NRDE2: variants seen among roughly 807,000 people sequenced by gnomAD.
NRDE2 encodes nuclear exosome regulator NRDE2.
Under a neutral mutation model 124.2 loss-of-function variants are expected in NRDE2, and 76 were observed. The observed-to-expected ratio is 0.61, with a 90% CI of 0.51 to 0.74. NRDE2 has a LOEUF of 0.74. Ranked by LOEUF, NRDE2 falls within the 30% of genes least tolerant of loss-of-function variation. The pLI, the probability that NRDE2 is intolerant of heterozygous loss-of-function variation, is 0.00. For missense variants in NRDE2, 1,314 were observed against 1,417.3 expected (o/e 0.93, Z 1.17); for synonymous variants, 489 against 528.1 (o/e 0.93, Z 1.01).
intron 9 of NRDE2, among the ~76,000 whole-genome samples, chr14:90,291,957 G>A (rs149956087): frequency 6.6e-6 from 1 of 152,384 alleles, no homozygotes; most frequent in East Asian, 1.9e-4. Flanking sequence ...AGGGCGCCTC[G>A]TTTGTAGAAA....
In NRDE2 at chr14:90,269,676, CA is replaced by C. The variant is rs1306811845; in HGVS notation, c.*8659del. ...CTGCAGTGAAACTTAGGATAATTTA[CA>C]AAAAAATAGGTCCTCTTGAGATGAG... On this transcript the variant is annotated 3_prime_UTR_variant, in exon 14 of 14. Transcript: ENST00000354366. 7.5e-6 allele frequency: 8 copies of C among 1,063,062 alleles called. No individual in the cohort carries two copies. Among genetic ancestry groups the C allele is most frequent in the Non-Finnish European group, 6.8e-6 (5 of 740,372 alleles). 65.9% of individuals were successfully genotyped at this position (1,063,062 alleles called of 1,614,324 possible).
In NRDE2 at chr14:90,268,685, G is replaced by A. The variant is rs567978208; in HGVS notation, c.*9651C>T. On this transcript the variant is annotated 3_prime_UTR_variant, in exon 14 of 14. Transcript: ENST00000354366. ...ATCTGGACTCTAGGGACACAGTTGT[G>A]AGCACAAGTCTCTGCCCTGGAGGAG... The A allele has an allele frequency of 5.8e-6, 2 of 343,018 alleles. No homozygotes were observed. Among genetic ancestry groups the A allele is most frequent in the South Asian group, 1.4e-4 (2 of 14,714 alleles). The allele number at this position is 343,018 out of a possible 1,614,324, so 21.2% of individuals were successfully genotyped here.
At chr14:90,309,843 T>A (rs1884763210) in intron 4 of NRDE2, among the ~76,000 whole-genome samples, 1 of 152,164 alleles carries the variant, frequency 6.6e-6, no homozygotes, top group African/African-American at 2.4e-5. Context: ...TTGTGTAAAC[T>A]TTACCAAATG....
intron 4 of NRDE2, among the ~76,000 whole-genome samples, chr14:90,310,709 G>A (rs535936279): frequency 2.0e-5 from 3 of 152,000 alleles, no homozygotes; most frequent in African/African-American, 7.2e-5. Flanking sequence ...CAGTAGAGAT[G>A]GGGTTTCACC....
chr14:90,288,596 A>C lies in NRDE2; in HGVS notation c.2779T>G (p.Tyr927Asp). 1 of 1,614,196 alleles carries C rather than the reference A, an allele frequency of 6.2e-7. No individual in the cohort carries two copies. Among genetic ancestry groups the C allele is most frequent in the Non-Finnish European group, 8.5e-7 (1 of 1,180,038 alleles). ...TTCAGTTTTGCAAACACCTGTTCGT[A>C]TATCTGCACAGCAGCATCAATCCCT... ...TIGIDAAVQI[Y>D]EQVFAKLNSS... Residue 927 changes from tyrosine to aspartate, a missense_variant, in exon 11 of 14, where the codon TAC becomes GAC. Physicochemically the swap from Tyr to Asp is radical, Grantham distance 160 (BLOSUM62 -3). Transcript: ENST00000354366.
chr14:90,318,822 G>A (rs973613338), intron 1 of NRDE2, among the ~76,000 whole-genome samples: 1 of 151,874 alleles, frequency 6.6e-6, no homozygotes, highest in African/African-American at 2.4e-5. Flanking sequence ...CAAAACAAAA[G>A]CAAATCAAAT....
In NRDE2 at chr14:90,278,775, T is replaced by C. The variant is rs556159697; in HGVS notation, c.3369+287A>G. ...GGGCTCTCACAGCCAGGCTGGGACATGATCCCAACTCTTTCAGCATCTGGG... is the reference window on the plus strand; with the variant it reads ...GGGCTCTCACAGCCAGGCTGGGACACGATCCCAACTCTTTCAGCATCTGGG... On this transcript the variant is annotated intron_variant, in intron 13 of 13. Transcript: ENST00000354366. 262 of 536,270 alleles carry C rather than the reference T, an allele frequency of 4.9e-4. 2 individuals are homozygous for C. Among genetic ancestry groups the C allele is most frequent in the Non-Finnish European group, 5.7e-5 (17 of 299,092 alleles). 33.2% of individuals were successfully genotyped at this position (536,270 alleles called of 1,614,324 possible).
chr14:90,290,470 G>C lies in NRDE2; in HGVS notation c.1980C>G (p.Ala660=), dbSNP rs369355131. The change falls in exon 10 of 14, where the codon GCC becomes GCG. Residue 660 remains alanine (A), a synonymous_variant. Coordinates refer to ENST00000354366, the MANE Select transcript of NRDE2 (RefSeq NM_017970.4). The part of the protein sequence containing the change: ...FTPPASCLYL[A]MDENSIFDNG... ...TATCAAAGATGCTGTTCTCATCCAT[G>C]GCCAGATAAAGACAGGAGGCTGGAG... The C allele has an allele frequency of 1.5e-5, 25 of 1,613,914 alleles. No homozygotes were observed. The African/African-American group carries it at 2.0e-4, about 13-fold the overall frequency.
At chr14:90,322,534 A>G (rs1427259910) in intron 1 of NRDE2, among the ~76,000 whole-genome samples, 1 of 151,722 alleles carries the variant, frequency 6.6e-6, no homozygotes, top group Non-Finnish European at 1.5e-5. Context: ...AGAAATTAGA[A>G]ATCTTCAAAA....
At position 90,273,733 on chromosome 14, in the gene NRDE2, C is replaced by T. The variant is rs1033489415; in HGVS notation, c.*4603G>A. The T allele has an allele frequency of 2.6e-5, 4 of 154,524 alleles. No homozygotes were observed. Among genetic ancestry groups the T allele is most frequent in the African/African-American group, 9.6e-5 (4 of 41,510 alleles). 9.6% of individuals were successfully genotyped at this position (154,524 alleles called of 1,614,324 possible). Reference sequence around the variant, plus strand: ...GATTATTGTTGGCAGAATTTAATTTCTTGGAGTTGTGGGCCAGCTGAGGTC... The same window carrying T: ...GATTATTGTTGGCAGAATTTAATTTTTTGGAGTTGTGGGCCAGCTGAGGTC... On this transcript the variant is annotated 3_prime_UTR_variant, in exon 14 of 14. Coordinates refer to ENST00000354366, the MANE Select transcript of NRDE2 (RefSeq NM_017970.4).
In NRDE2 at chr14:90,298,306, C is replaced by T. The variant is rs75672471; in HGVS notation, c.1620G>A (p.Ala540=). 7.6e-5 allele frequency: 122 copies of T among 1,613,714 alleles called. 2 individuals are homozygous for T. In the African/African-American group the frequency reaches 9.3e-4, roughly 12 times the overall value. ...AGEKGARGWK[A]WMHQQERGGW... is the part of the protein sequence containing the mutation. The stretch of plus-strand genomic sequence containing the variant: ...CACCTCGTTCCTGCTGGTGCATCCA[C>T]GCCTTCCAGCCTCGGGCTCCCTTCT... The change falls in exon 8 of 14, where the codon GCG becomes GCA. Residue 540 remains alanine, a synonymous_variant. Coordinates refer to ENST00000354366, the MANE Select transcript of NRDE2 (RefSeq NM_017970.4).
At chr14:90,321,720 A>T (rs1433075448) in intron 1 of NRDE2, among the ~76,000 whole-genome samples, 1 of 152,164 alleles carries the variant, frequency 6.6e-6, no homozygotes, top group Non-Finnish European at 1.5e-5. Context: ...TTGATAGCAT[A>T]TTAGCAGTGC....
At chr14:90,310,193 A>T (rs1359505847) in intron 4 of NRDE2, among the ~76,000 whole-genome samples, 1 of 152,186 alleles carries the variant, frequency 6.6e-6, no homozygotes, top group Non-Finnish European at 1.5e-5. Context: ...AAAGTCACAA[A>T]GAGAACCAGA....
intron 4 of NRDE2, 69 bp downstream of exon 4, chr14:90,312,325 C>A: frequency 2.7e-6 from 4 of 1,486,438 alleles, no homozygotes; most frequent in South Asian, 1.2e-5. Flanking sequence ...GCAGACAGTG[C>A]CAAGAGAGTT....
At chr14:90,294,641 T>C (rs1240567475) in intron 8 of NRDE2, among the ~76,000 whole-genome samples, 1 of 151,968 alleles carries the variant, frequency 6.6e-6, no homozygotes, top group African/African-American at 2.4e-5. Context: ...GTCACATTCA[T>C]AGAGACAGAA....
rs1161377137 is a variant in NRDE2, at chr14:90,273,181, T to C, written c.*5155A>G. Reference sequence around the variant, plus strand: ...CGTTCCCTTGACAGGTGGCCTGGTGTGGGTTGTAGGGCCCACACTGAATGA... The same window carrying C: ...CGTTCCCTTGACAGGTGGCCTGGTGCGGGTTGTAGGGCCCACACTGAATGA... On this transcript the variant is annotated 3_prime_UTR_variant, in exon 14 of 14. Transcript: ENST00000354366. 1.3e-5 allele frequency: 2 copies of C among 152,182 alleles called. No individual in the cohort carries two copies. Among genetic ancestry groups the C allele is most frequent in the Non-Finnish European group, 2.9e-5 (2 of 68,050 alleles). The allele number at this position is 152,182 out of a possible 1,614,324, so 9.4% of individuals were successfully genotyped here. A position where few individuals can be genotyped will look rare whatever the true frequency, so the allele number is the denominator to read the frequency against.
intron 1 of NRDE2, among the ~76,000 whole-genome samples, chr14:90,321,403 T>C (rs1885234374): frequency 6.6e-6 from 1 of 151,684 alleles, no homozygotes; most frequent in African/African-American, 2.4e-5. Context: ...TGTATGGCAC[T>C]ACTGTGGGGG....
intron 1 of NRDE2, among the ~76,000 whole-genome samples, chr14:90,320,729 G>A (rs1885212051): frequency 6.6e-6 from 1 of 152,216 alleles, no homozygotes; most frequent in South Asian, 2.1e-4. Context: ...AGAAGTGACA[G>A]GTTCCAACTT....
chr14:90,293,612 A>G (rs1187918614), intron 8 of NRDE2, among the ~76,000 whole-genome samples: 1 of 152,230 alleles, frequency 6.6e-6, no homozygotes, highest in Non-Finnish European at 1.5e-5. Context: ...TGTATTAGAC[A>G]ACACAGTTTT....
Sources: gnomAD v4.1 joint callset for allele counts (sites outside exome capture counted in the v4.1 genomes callset) on GRCh38, gnomAD v4.1.1 for gene constraint, MANE v1.5 for transcripts, NCBI Gene and HGNC (gene_info 2026-07-23, HGNC 2026-07-21) for gene names.